LONP1: variants seen among roughly 807,000 people sequenced by gnomAD.
The protein encoded by LONP1 is lon peptidase 1, mitochondrial.
A neutral mutation model predicts 98.5 loss-of-function variants in LONP1; 31 were observed. That is an observed-to-expected ratio of 0.31 (90% confidence interval 0.24 to 0.42). The LOEUF is 0.42. LONP1 is among the 20% of genes least tolerant of loss of function. The pLI, the probability that LONP1 is intolerant of heterozygous loss-of-function variation, is 1.00. For missense variants in LONP1, 1,336 were observed against 1,350.6 expected, an observed-to-expected ratio of 0.99 and a Z score of 0.17; for synonymous variants, 781 against 594.7, an observed-to-expected ratio of 1.31 and a Z score of -4.56.
intron 17 of LONP1, among the ~76,000 whole-genome samples, chr19:5,692,737 C>T (rs2054850792): frequency 6.6e-6 from 1 of 152,192 alleles, no homozygotes; most frequent in Non-Finnish European, 1.5e-5. Context: ...TTGCCTCCAC[C>T]ATTTTATCAT....
intron 13 of LONP1, among the ~76,000 whole-genome samples, 163 bp downstream of exon 13, chr19:5,695,891 C>T (rs1396090867): frequency 3.3e-5 from 5 of 152,132 alleles, no homozygotes; most frequent in Admixed American, 6.5e-5. Context: ...TGCAGCTGCT[C>T]GCAAGCGTCT....
At chr19:5,702,231 C>T (rs1205887507) in intron 8 of LONP1, among the ~76,000 whole-genome samples, 14 of 146,926 alleles carry the variant, frequency 9.5e-5, no homozygotes, top group East Asian at 4.1e-4. Context: ...CCCGGCTAGC[C>T]GCCCCGTCTG....
At position 5,713,130 on chromosome 19, in the gene LONP1, C is replaced by G; in HGVS notation, c.638+4G>C. ...CCTCCCACTGTCCCCCGCCAGCCACCCACCTTCTGTGTCCCATGACGATCA... is the reference window on the plus strand; with the variant it reads ...CCTCCCACTGTCCCCCGCCAGCCACGCACCTTCTGTGTCCCATGACGATCA... On this transcript the variant is annotated splice_donor_region_variant and intron_variant, in intron 3 of 17. Coordinates refer to ENST00000360614, the MANE Select transcript of LONP1 (RefSeq NM_004793.4). 1 of 1,614,108 alleles carries G rather than the reference C, an allele frequency of 6.2e-7. No homozygotes were observed. Among genetic ancestry groups the G allele is most frequent in the Non-Finnish European group, 8.5e-7 (1 of 1,179,988 alleles).
chr19:5,712,557 T>C (rs536053010), intron 3 of LONP1: 19 of 183,066 alleles, frequency 1.0e-4, no homozygotes, highest in Non-Finnish European at 1.9e-4. Context: ...AGTGCAGTGG[T>C]GTGATCATAG....
intron 6 of LONP1, among the ~76,000 whole-genome samples, 182 bp from the exon 7 acceptor site, chr19:5,707,325 C>T (rs1012084330): frequency 9.2e-5 from 14 of 152,200 alleles, no homozygotes; most frequent in South Asian, 4.1e-4. Context: ...ACGCATCCTA[C>T]GGATACTTCA....
At chr19:5,707,168 G>T (rs1232976708) in intron 6 of LONP1, 25 bp from the exon 7 acceptor site, 1 of 1,602,254 alleles carries the variant, frequency 6.2e-7, no homozygotes, top group Non-Finnish European at 8.5e-7. Flanking sequence ...AGGACAGAAA[G>T]GATGAGCAGA....
At chr19:5,720,417 C>G, upstream of LONP1, 1 of 571,106 alleles carries the variant, frequency 1.8e-6, no homozygotes, top group South Asian at 2.3e-5. Context: ...GCAAACGCAA[C>G]GTTTAGGAAC....
At position 5,694,571 on chromosome 19, in the gene LONP1, A is replaced by T. The variant is rs781467115; in HGVS notation, c.2155-19T>A. 1.6e-5 allele frequency: 26 copies of T among 1,600,898 alleles called. No homozygotes were observed. The highest frequency in any genetic ancestry group is 2.2e-5 in the Non-Finnish European group (26 of 1,172,008). On this transcript the variant is annotated intron_variant, in intron 14 of 17. Coordinates refer to ENST00000360614, the MANE Select transcript of LONP1 (RefSeq NM_004793.4). Reference sequence around the variant, plus strand: ...GTAACACCTGGGCGGTCAGGGCAACACAATGGGCACGGGAAGGTGGGGTGA... The same window carrying T: ...GTAACACCTGGGCGGTCAGGGCAACTCAATGGGCACGGGAAGGTGGGGTGA...
chr19:5,695,546 G>A (rs779044264), intron 13 of LONP1, among the ~76,000 whole-genome samples: 10 of 152,194 alleles, frequency 6.6e-5, no homozygotes, highest in Non-Finnish European at 1.3e-4. Flanking sequence ...TGCTGGGAGG[G>A]CCTCAAGGGC....
intron 15 of LONP1, 74 bp downstream of exon 15, chr19:5,694,305 CACAGGTGT>C: frequency 6.4e-7 from 1 of 1,560,612 alleles, no homozygotes; most frequent in Non-Finnish European, 8.7e-7. Context: ...AGGCCCACTG[CACAGGTGT>C]ACAAGGTGGG....
chr19:5,696,800 C>T (rs1208618197), intron 10 of LONP1, 43 bp from the exon 11 acceptor site: 14 of 1,422,868 alleles, frequency 9.8e-6, no homozygotes, highest in Non-Finnish European at 1.3e-5. Flanking sequence ...GGTAGCCTGG[C>T]TCGGCCACAA....
In LONP1 at chr19:5,693,308, T is replaced by G. The variant is rs1256975670; in HGVS notation, c.2693A>C (p.Lys898Thr). ...TACAGGGACACTCACCGCAATGGTC[T>G]TCTCCTTGATGCCACCAACAGGCAG... ...KILPVGGIKEKTIAAKRAGVT... is the reference protein window; with the variant it reads ...KILPVGGIKETTIAAKRAGVT... The change falls in exon 17 of 18, where the codon AAG becomes ACG. Residue 898 changes from lysine (K) to threonine (T), a missense_variant. Physicochemically the swap from Lys to Thr is moderately conservative, Grantham distance 78 (BLOSUM62 -1). Around this residue, in one of 5 missense-constraint regions of LONP1, gnomAD observed 555 missense variants for 542.6 expected, o/e 1.02. Coordinates refer to ENST00000360614, the MANE Select transcript of LONP1 (RefSeq NM_004793.4). 5.0e-6 allele frequency: 8 copies of G among 1,611,774 alleles called. No homozygotes were observed. Among genetic ancestry groups the G allele is most frequent in the Admixed American group, 1.7e-5 (1 of 59,960 alleles).
Position 5,696,137 on chromosome 19 carries a change from T to C in LONP1, c.1930A>G (p.Thr644Ala), listed in dbSNP as rs141420305. 266 of 1,612,938 alleles carry C rather than the reference T, an allele frequency of 1.6e-4. No individual in the cohort carries two copies. Among genetic ancestry groups the C allele is most frequent in the Non-Finnish European group, 2.1e-4 (248 of 1,179,888 alleles). Reference protein sequence around the residue: ...LFICTANVTDTIPEPLRDRME... With the variant: ...LFICTANVTDAIPEPLRDRME... ...CGGTCTCGCAGCGGCTCGGGGATGG[T>C]GTCCGTGACGTTGGCCGTGCAGATG... The change falls in exon 13 of 18, where the codon ACC becomes GCC. Residue 644 changes from threonine to alanine, a missense_variant. Coordinates refer to ENST00000360614, the MANE Select transcript of LONP1 (RefSeq NM_004793.4).
chr19:5,716,253 AATATACATATATATATATATATATAT>A (rs959855629), intron 1 of LONP1, among the ~76,000 whole-genome samples: 20 of 71,728 alleles, frequency 2.8e-4, no homozygotes, highest in Middle Eastern at 7.8e-3. Context: ...ATAAAGTTAA[AATATACATATATATATATATATATAT>A]ATATATATAT....
chr19:5,715,833 T>A (rs1347785471), intron 1 of LONP1, among the ~76,000 whole-genome samples: 1 of 151,816 alleles, frequency 6.6e-6, no homozygotes, highest in Non-Finnish European at 1.5e-5. Context: ...ATTTTTGTAT[T>A]ATTAGTAGAG....
chr19:5,715,643 T>TTA (rs2055305047), intron 1 of LONP1, among the ~76,000 whole-genome samples: 1 of 31,092 alleles, frequency 3.2e-5, no homozygotes, highest in African/African-American at 1.3e-4. Context: ...CTCTGTCTCA[T>TTA]AAAAAAAAAA....
chr19:5,699,963 A>G (rs1456734414), intron 9 of LONP1, among the ~76,000 whole-genome samples: 1 of 151,652 alleles, frequency 6.6e-6, no homozygotes, highest in Non-Finnish European at 1.5e-5. Context: ...ATTTTCAGAC[A>G]AGGTCTCGCT....
intron 2 of LONP1, among the ~76,000 whole-genome samples, chr19:5,713,475 G>C (rs118168835): frequency 6.6e-6 from 1 of 152,178 alleles, no homozygotes; most frequent in Non-Finnish European, 1.5e-5. Flanking sequence ...GTGGCTCCTC[G>C]CTAAGTCAGC....
intron 6 of LONP1, 133 bp from the exon 7 acceptor site, chr19:5,707,276 G>T: frequency 2.8e-6 from 2 of 709,266 alleles, no homozygotes; most frequent in Non-Finnish European, 4.9e-6. Flanking sequence ...CAGCACAGAG[G>T]CATGTGTGCC....
Sources: allele counts gnomAD v4.1 joint callset (sites outside exome capture counted in the v4.1 genomes callset), GRCh38; gene constraint gnomAD v4.1.1; regional missense constraint gnomAD v4.1.1; transcripts MANE v1.5; gene names NCBI Gene and HGNC (gene_info 2026-07-23, HGNC 2026-07-21).